The following MACROD2 variants were observed in gnomAD, a reference collection of about 807,000 sequenced individuals.
MACROD2 encodes the protein mono-ADP ribosylhydrolase 2, also known as ADP-ribose glycohydrolase MACROD2.
Under a neutral mutation model 70.4 loss-of-function variants are expected in MACROD2, and 36 were observed. That is an observed-to-expected ratio of 0.51 (90% confidence interval 0.39 to 0.68). The LOEUF is 0.68. Ranked by LOEUF, MACROD2 falls within the 30% of genes least tolerant of loss-of-function variation. MACROD2 has a pLI of 0.00. For synonymous variants in MACROD2, 172 were observed against 178.8 expected (o/e 0.96, Z 0.30); for missense variants, 496 against 538.4 (o/e 0.92, Z 0.78).
At chr20:14,615,064 G>C (rs1229977526) in intron 4 of MACROD2, among the ~76,000 whole-genome samples, 1 of 152,088 alleles carries the variant, frequency 6.6e-6, no homozygotes, top group Non-Finnish European at 1.5e-5. Flanking sequence ...AAGAAGTTAG[G>C]TTTTGATGCA....
chr20:14,348,067 G>A (rs1254662299), intron 3 of MACROD2, among the ~76,000 whole-genome samples: 2 of 151,914 alleles, frequency 1.3e-5, no homozygotes, highest in Admixed American at 1.3e-4. Context: ...TTTGAGACCA[G>A]CCTGGCCAGC....
chr20:15,468,963 G>T (rs1393774233), intron 7 of MACROD2, among the ~76,000 whole-genome samples: 1 of 152,072 alleles, frequency 6.6e-6, no homozygotes, highest in Non-Finnish European at 1.5e-5. Flanking sequence ...AGAATGGAAG[G>T]GGGGATATTT....
intron 8 of MACROD2, among the ~76,000 whole-genome samples, chr20:15,707,070 A>G (rs896122946): frequency 8.5e-5 from 13 of 152,214 alleles, no homozygotes; most frequent in Admixed American, 2.6e-4. Context: ...CCTAAGAGTC[A>G]TAGATAGTAA....
intron 17 of MACROD2, among the ~76,000 whole-genome samples, chr20:16,047,648 A>G (rs562433766): frequency 7.1e-6 from 1 of 140,940 alleles, no homozygotes; most frequent in African/African-American, 2.7e-5. Flanking sequence ...GAAAATGAGA[A>G]TCCCTTTCAG....
At chr20:14,228,991 C>CAAAAAAAAAAAAAAAAAAAAAAAAAAAA (rs11480896) in intron 3 of MACROD2, among the ~76,000 whole-genome samples, 1 of 135,024 alleles carries the variant, frequency 7.4e-6, no homozygotes, top group Non-Finnish European at 1.6e-5. Context: ...GACTCTGTCT[C>CAAAAAAAAAAAAAAAAAAAAAAAAAAAA]AAAAAAAAAA....
chr20:14,860,558 T>A (rs1421143800), intron 5 of MACROD2, among the ~76,000 whole-genome samples: 7 of 152,098 alleles, frequency 4.6e-5, no homozygotes, highest in African/African-American at 1.7e-4. Context: ...CTCCTCCGGG[T>A]CTCTGTTTGC....
intron 5 of MACROD2, among the ~76,000 whole-genome samples, chr20:14,692,537 G>A (rs934774815): frequency 1.3e-5 from 2 of 152,158 alleles, no homozygotes; most frequent in Admixed American, 6.5e-5. Context: ...AACAGAGTTG[G>A]CTCTTGATAC....
chr20:15,797,307 G>T (rs959063952), intron 8 of MACROD2, among the ~76,000 whole-genome samples: 2 of 152,108 alleles, frequency 1.3e-5, no homozygotes, highest in African/African-American at 4.8e-5. Flanking sequence ...AGTAGAGACG[G>T]GGTTTCACCG....
chr20:15,581,059 C>A (rs889535409), intron 8 of MACROD2, among the ~76,000 whole-genome samples: 5 of 152,130 alleles, frequency 3.3e-5, no homozygotes, highest in African/African-American at 4.8e-5. Context: ...TCTTCTTTGG[C>A]AGGTCTGGAC....
chr20:14,837,474 T>C (rs1037603269), intron 5 of MACROD2, among the ~76,000 whole-genome samples: 5 of 152,060 alleles, frequency 3.3e-5, no homozygotes, highest in Non-Finnish European at 5.9e-5. Context: ...TGAATGGATA[T>C]GTAACAAAGC....
intron 5 of MACROD2, chr20:14,935,125 TCACACACACA>T (rs112374854): frequency 2.7e-5 from 4 of 149,570 alleles, no homozygotes; most frequent in South Asian, 2.1e-4. Context: ...ATCCTATATT[TCACACACACA>T]CACACACACA....
chr20:14,777,250 C>T (rs2072245654), intron 5 of MACROD2, among the ~76,000 whole-genome samples: 1 of 151,964 alleles, frequency 6.6e-6, no homozygotes, highest in Admixed American at 6.6e-5. Context: ...TACATTTCCA[C>T]CAGCTGTGTA....
chr20:14,423,707 A>C (rs1401822227), intron 3 of MACROD2, among the ~76,000 whole-genome samples: 3 of 150,692 alleles, frequency 2.0e-5, no homozygotes, highest in African/African-American at 7.3e-5. Flanking sequence ...CTCAAAAAAA[A>C]AAAAAAAAAA....
chr20:15,441,263 C>T (rs1195680360), intron 7 of MACROD2, among the ~76,000 whole-genome samples: 2 of 152,120 alleles, frequency 1.3e-5, no homozygotes, highest in Admixed American at 6.6e-5. Flanking sequence ...ATACCCTACC[C>T]ACGTCTTTAA....
chr20:15,350,433 T>C (rs2078215611), intron 6 of MACROD2, among the ~76,000 whole-genome samples: 1 of 152,178 alleles, frequency 6.6e-6, no homozygotes, highest in African/African-American at 2.4e-5. Context: ...CACCTGAGTG[T>C]AGGTAAATGG....
At chr20:14,547,418 A>T (rs952866678) in intron 4 of MACROD2, 1 of 221,694 alleles carries the variant, frequency 4.5e-6, no homozygotes, top group African/African-American at 2.3e-5. Context: ...CTTCAGGCAG[A>T]TGTTGTATAA....
intron 5 of MACROD2, among the ~76,000 whole-genome samples, chr20:14,785,390 A>C (rs574263320): frequency 1.3e-5 from 2 of 152,088 alleles, no homozygotes; most frequent in East Asian, 3.9e-4. Flanking sequence ...AGAAAAAAAA[A>C]GCCTTTAATG....
At chr20:15,898,558 A>AAC (rs548442094) in intron 10 of MACROD2, among the ~76,000 whole-genome samples, 603 of 151,190 alleles carry the variant, frequency 4.0e-3, no homozygotes, top group Non-Finnish European at 6.5e-3. Flanking sequence ...CTAAAAAAAA[A>AAC]AAAAAAAAAA....
chr20:15,516,760 A>T (rs1159294348), intron 8 of MACROD2, among the ~76,000 whole-genome samples: 2 of 152,220 alleles, frequency 1.3e-5, no homozygotes, highest in Non-Finnish European at 2.9e-5. Flanking sequence ...GGCAAAGTTT[A>T]CAGTTATTTT....
Sources: gnomAD v4.1 joint callset for allele counts (sites outside exome capture counted in the v4.1 genomes callset) on GRCh38, gnomAD v4.1.1 for gene constraint, MANE v1.5 for transcripts, NCBI Gene and HGNC (gene_info 2026-07-23, HGNC 2026-07-21) for gene names.